ANOS1: variants seen among roughly 807,000 people sequenced by gnomAD.
ANOS1 encodes the protein anosmin 1.
A neutral mutation model predicts 59.0 loss-of-function variants in ANOS1; 6 were observed. The observed-to-expected ratio is 0.10, with a 90% confidence interval of 0.06 to 0.20. The LOEUF is 0.20. Ranked by LOEUF, ANOS1 falls within the 10% of genes least tolerant of loss-of-function variation. ANOS1 has a pLI of 1.00. For missense variants in ANOS1, 433 were observed against 542.3 expected, an observed-to-expected ratio of 0.80 and a Z score of 2.00; for synonymous variants, 217 against 223.4, an observed-to-expected ratio of 0.97 and a Z score of 0.25.
chrX:8,669,884 C>A (rs1932227259), intron 2 of ANOS1, among the ~76,000 whole-genome samples: 1 of 111,517 alleles, frequency 9.0e-6, no homozygotes, highest in African/African-American at 3.3e-5. Flanking sequence ...ACACACAGAA[C>A]CGATTGCTTT....
In ANOS1 at chrX:8,532,864, T is replaced by C. The variant is rs1929522080; in HGVS notation, c.*131A>G. 1.6e-5 allele frequency: 8 copies of C among 485,650 alleles called. No homozygotes were observed. The South Asian group carries it at 2.1e-4, about 13-fold the overall frequency. The allele number at this position is 485,650 out of a possible 1,213,427, so 40.0% of individuals were successfully genotyped here. ...GTCCATGATTGACAGAAGTTCTTCC[T>C]GCACTAAAGTCACATAGGAGAGTCC... On this transcript the variant is annotated 3_prime_UTR_variant, in exon 14 of 14. Transcript: ENST00000262648.
chrX:8,646,192 T>C (rs1342040092), intron 2 of ANOS1, among the ~76,000 whole-genome samples: 1 of 111,721 alleles, frequency 9.0e-6, no homozygotes. Flanking sequence ...GACATCTTTT[T>C]TTGAGACATG....
intron 2 of ANOS1, among the ~76,000 whole-genome samples, chrX:8,639,931 C>T (rs1931631621): frequency 9.0e-6 from 1 of 110,965 alleles, no homozygotes; most frequent in South Asian, 4.1e-4. Flanking sequence ...GCCTCCACCG[C>T]ATCCCCACCC....
rs747611575 is a variant in ANOS1 at position 8,667,901 on chromosome X, T to C, written c.255+31797A>G. 9.0e-5 allele frequency among the ~76,000 whole-genome samples: 10 copies of C among 111,547 alleles called. No individual in the cohort carries two copies. In the East Asian group the frequency reaches 2.5e-3, roughly 28 times the overall value. ...GAGCCAGATGGACTGGATTAGAATC[T>C]TGTCACTCTTGCCTTCCCCATATGC... On this transcript the variant is annotated intron_variant, in intron 2 of 13. Transcript: ENST00000262648.
At chrX:8,623,030 TGATGGATGGATGGATGGATG>T (rs34949507) in intron 3 of ANOS1, among the ~76,000 whole-genome samples, 2 of 102,389 alleles carry the variant, frequency 2.0e-5, no homozygotes, top group African/African-American at 7.2e-5. Context: ...GATGGATGGA[TGATGGATGGATGGATGGATG>T]GATGGATGGA....
chrX:8,609,976 C>T (rs1323231521), intron 3 of ANOS1, among the ~76,000 whole-genome samples: 6 of 85,183 alleles, frequency 7.0e-5, no homozygotes, highest in African/African-American at 2.4e-4. Flanking sequence ...CACTGCACTC[C>T]AGCCTGGGCG....
intron 2 of ANOS1, among the ~76,000 whole-genome samples, chrX:8,658,722 G>C (rs1385311989): frequency 1.8e-5 from 2 of 111,813 alleles, no homozygotes; most frequent in East Asian, 2.8e-4. Context: ...ACCTAGATTA[G>C]AGGACTACCT....
chrX:8,614,310 C>T (rs1931121210), intron 3 of ANOS1, among the ~76,000 whole-genome samples: 1 of 112,405 alleles, frequency 8.9e-6, no homozygotes. Context: ...AACACAGCCT[C>T]TTCTCTCTCC....
chrX:8,597,441 A>T (rs1485404544), intron 3 of ANOS1, among the ~76,000 whole-genome samples, 185 bp from the exon 4 acceptor site: 1 of 111,144 alleles, frequency 9.0e-6, no homozygotes, highest in Admixed American at 9.7e-5. Flanking sequence ...TCTCAAAGGA[A>T]CATAATCCAT....
At chrX:8,593,886 G>A (rs967657670) in intron 4 of ANOS1, among the ~76,000 whole-genome samples, 7 of 111,089 alleles carry the variant, frequency 6.3e-5, no homozygotes, top group African/African-American at 2.0e-4. Flanking sequence ...ATCTTGCCCA[G>A]GCTACTCTTG....
intron 2 of ANOS1, among the ~76,000 whole-genome samples, chrX:8,681,004 G>A (rs1295509466): frequency 5.4e-5 from 6 of 111,110 alleles, no homozygotes; most frequent in Admixed American, 1.9e-4. Context: ...CATATTATCC[G>A]CATAACAAGC....
At chrX:8,661,239 C>T (rs1270590245) in intron 2 of ANOS1, among the ~76,000 whole-genome samples, 3 of 109,384 alleles carry the variant, frequency 2.7e-5, no homozygotes, top group Non-Finnish European at 5.7e-5. Flanking sequence ...ATACCATAGA[C>T]CGGGCAGTTT....
At chrX:8,662,282 G>C (rs1932050826) in intron 2 of ANOS1, among the ~76,000 whole-genome samples, 1 of 111,566 alleles carries the variant, frequency 9.0e-6, no homozygotes, top group Admixed American at 9.5e-5. Context: ...ATTTAGAAGG[G>C]GCCCAACCTT....
At chrX:8,623,785 T>C in intron 2 of ANOS1, 115 bp from the exon 3 acceptor site, 1 of 592,048 alleles carries the variant, frequency 1.7e-6, no homozygotes, top group Non-Finnish European at 2.7e-6. Context: ...CTAGTTAGTT[T>C]AGAAAACCAA....
chrX:8,574,877 G>A (rs994603745), intron 6 of ANOS1, among the ~76,000 whole-genome samples: 14 of 111,314 alleles, frequency 1.3e-4, no homozygotes, highest in African/African-American at 3.9e-4. Context: ...CTAGAGAACC[G>A]TGACTAATAC....
intron 2 of ANOS1, among the ~76,000 whole-genome samples, chrX:8,633,801 C>A (rs1167381326): frequency 8.9e-6 from 1 of 111,756 alleles, no homozygotes; most frequent in Non-Finnish European, 1.9e-5. Flanking sequence ...AAATACCAAA[C>A]AATCTACAAA....
At chrX:8,596,908 A>C (rs1210526716) in intron 4 of ANOS1, 126 bp downstream of exon 4, 5 of 1,069,310 alleles carry the variant, frequency 4.7e-6, no homozygotes, top group Non-Finnish European at 6.3e-6. Context: ...ATGTGGTATA[A>C]AATAAATTTT....
At chrX:8,595,742 T>TACTG (rs1930723142) in intron 4 of ANOS1, among the ~76,000 whole-genome samples, 1 of 111,602 alleles carries the variant, frequency 9.0e-6, no homozygotes. Context: ...GAATACTGCC[T>TACTG]ACTGACTGAC....
chrX:8,646,882 G>A (rs1030459545), intron 2 of ANOS1, among the ~76,000 whole-genome samples: 7 of 98,922 alleles, frequency 7.1e-5, no homozygotes, highest in Non-Finnish European at 1.4e-4. Flanking sequence ...ATAGTGAGTC[G>A]ACATTGCACC....
Sources: gnomAD v4.1 joint callset for allele counts (sites outside exome capture counted in the v4.1 genomes callset) on GRCh38, gnomAD v4.1.1 for gene constraint, MANE v1.5 for transcripts, NCBI Gene and HGNC (gene_info 2026-07-23, HGNC 2026-07-21) for gene names.